The following YEATS4 variants were observed in gnomAD, a reference collection of about 807,000 sequenced individuals.
The protein encoded by YEATS4 is YEATS domain-containing protein 4.
Under a neutral mutation model 30.1 loss-of-function variants are expected in YEATS4, and 17 were observed. That is an observed-to-expected ratio of 0.56 (90% CI 0.39 to 0.85). The LOEUF (loss-of-function observed/expected upper bound fraction) is 0.85. Ranked by LOEUF, YEATS4 falls within the 40% of genes least tolerant of loss-of-function variation. The pLI is 0.00. For missense variants in YEATS4, 142 were observed against 268.3 expected, an observed-to-expected ratio of 0.53 and a Z score of 3.29; for synonymous variants, 85 against 87.5, an observed-to-expected ratio of 0.97 and a Z score of 0.16.
the YEATS4 span, among the ~76,000 whole-genome samples, chr12:69,421,424 T>G: frequency 6.6e-6 from 1 of 152,320 alleles, no homozygotes; most frequent in South Asian, 2.1e-4. Flanking sequence ...TATTAAAATT[T>G]TATATTATAT....
the YEATS4 span, among the ~76,000 whole-genome samples, chr12:69,399,642 A>T: frequency 0.024 from 3,722 of 152,336 alleles, 145 homozygotes; most frequent in African/African-American, 0.084. Flanking sequence ...TTCTAGATAT[A>T]TACCCAGGAG....
chr12:69,423,945 G>A, the YEATS4 span, among the ~76,000 whole-genome samples: 1 of 152,200 alleles, frequency 6.6e-6, no homozygotes, highest in Non-Finnish European at 1.5e-5. Context: ...TTTGGTAACA[G>A]AGAAATGCTT....
intron 6 of YEATS4, among the ~76,000 whole-genome samples, chr12:69,385,347 G>A (rs962302036): frequency 2.0e-5 from 3 of 152,070 alleles, no homozygotes; most frequent in Non-Finnish European, 4.4e-5. Context: ...TAGCTCTTTA[G>A]GAAAGCTATC....
At chr12:69,377,688 G>T (rs7306055) in intron 6 of YEATS4, among the ~76,000 whole-genome samples, 33,846 of 151,966 alleles carry the variant, frequency 0.22, 4,419 homozygotes, top group African/African-American at 0.37. Flanking sequence ...TTCCATTGTA[G>T]TCAGAGAAGA....
chr12:69,363,209 G>T (rs976280341), intron 2 of YEATS4, among the ~76,000 whole-genome samples: 13 of 151,696 alleles, frequency 8.6e-5, no homozygotes, highest in African/African-American at 3.1e-4. Context: ...TAGCCAGGAT[G>T]GTCTCAATCT....
intron 6 of YEATS4, among the ~76,000 whole-genome samples, chr12:69,385,226 A>G (rs958915656): frequency 2.0e-5 from 3 of 151,686 alleles, no homozygotes; most frequent in South Asian, 2.1e-4. Context: ...TCAGACTCCT[A>G]AAGTACTGGT....
the YEATS4 span, among the ~76,000 whole-genome samples, chr12:69,396,211 A>T: frequency 1.3e-5 from 2 of 152,178 alleles, no homozygotes; most frequent in Non-Finnish European, 2.9e-5. Context: ...CTGTCTGAAA[A>T]TTTCCAGTCT....
the YEATS4 span, among the ~76,000 whole-genome samples, chr12:69,423,866 G>T: frequency 6.6e-6 from 1 of 152,102 alleles, no homozygotes; most frequent in Middle Eastern, 3.2e-3. Flanking sequence ...TCTAGGGTGG[G>T]GACATGCAAC....
chr12:69,426,126 C>G, the YEATS4 span, among the ~76,000 whole-genome samples: 8 of 152,026 alleles, frequency 5.3e-5, no homozygotes, highest in Admixed American at 6.6e-5. Context: ...CCTGTAGACC[C>G]AAATACTTGG....
chr12:69,423,464 T>C, the YEATS4 span, among the ~76,000 whole-genome samples: 1 of 152,138 alleles, frequency 6.6e-6, no homozygotes, highest in South Asian at 2.1e-4. Flanking sequence ...AAAGATAAGT[T>C]GTAGTTGCTA....
chr12:69,392,730 G>A (rs1181875615), downstream of YEATS4, among the ~76,000 whole-genome samples: 1 of 152,176 alleles, frequency 6.6e-6, no homozygotes, highest in East Asian at 1.9e-4. Flanking sequence ...GGAGATTAAG[G>A]AACTATAGCT....
chr12:69,371,970 G>A (rs1470746934), intron 6 of YEATS4, among the ~76,000 whole-genome samples: 2 of 152,176 alleles, frequency 1.3e-5, no homozygotes, highest in Admixed American at 6.5e-5. Flanking sequence ...GAGGACAAAG[G>A]CCCTCAGGTA....
At chr12:69,367,533 A>AT (rs1357074933) in intron 4 of YEATS4, among the ~76,000 whole-genome samples, 1 of 152,002 alleles carries the variant, frequency 6.6e-6, no homozygotes, top group Non-Finnish European at 1.5e-5. Flanking sequence ...TGCTGAGTTA[A>AT]TTTTTTATTT....
At chr12:69,374,787 C>T (rs1353228522) in intron 6 of YEATS4, among the ~76,000 whole-genome samples, 3 of 152,168 alleles carry the variant, frequency 2.0e-5, no homozygotes, top group Non-Finnish European at 2.9e-5. Flanking sequence ...TCTTTCTACA[C>T]AGACACAGTA....
downstream of YEATS4, among the ~76,000 whole-genome samples, chr12:69,395,549 A>T (rs1222325411): frequency 3.2e-5 from 3 of 93,038 alleles, no homozygotes; most frequent in African/African-American, 1.0e-4. Context: ...CAAACTTAAC[A>T]GGAAGAATTT....
At chr12:69,421,725 T>G in the YEATS4 span, among the ~76,000 whole-genome samples, 9 of 152,236 alleles carry the variant, frequency 5.9e-5, no homozygotes, top group African/African-American at 2.2e-4. Context: ...AAGGATACTC[T>G]GACAACCTGG....
At chr12:69,425,137 G>A in the YEATS4 span, among the ~76,000 whole-genome samples, 1 of 151,894 alleles carries the variant, frequency 6.6e-6, no homozygotes, top group Admixed American at 6.6e-5. Flanking sequence ...TGGTCAGGCT[G>A]GTCTCAAACT....
At chr12:69,423,495 A>G in the YEATS4 span, among the ~76,000 whole-genome samples, 2 of 152,240 alleles carry the variant, frequency 1.3e-5, no homozygotes, top group African/African-American at 4.8e-5. Context: ...GTGGAAAGCC[A>G]GAAGAGACAA....
At chr12:69,389,547 T>G (rs543363015) in intron 6 of YEATS4, among the ~76,000 whole-genome samples, 22 of 106,004 alleles carry the variant, frequency 2.1e-4, no homozygotes, top group Admixed American at 5.3e-4. Flanking sequence ...AGAGTCTCAC[T>G]CTGTCGACCA....
Sources: gnomAD v4.1 joint callset for allele counts (sites outside exome capture counted in the v4.1 genomes callset) on GRCh38, gnomAD v4.1.1 for gene constraint, MANE v1.5 for transcripts, NCBI Gene and HGNC (gene_info 2026-07-23, HGNC 2026-07-21) for gene names.